IFT122: variants seen among roughly 807,000 people sequenced by gnomAD.
IFT122 encodes the protein intraflagellar transport 122, also known as intraflagellar transport protein 122 homolog.
In IFT122, 118 loss-of-function variants were observed where a neutral mutation model predicts 161.6. That is an observed-to-expected ratio of 0.73 (90% confidence interval 0.63 to 0.85). The LOEUF (loss-of-function observed/expected upper bound fraction) is 0.85. Ranked by LOEUF, IFT122 falls within the 40% of genes least tolerant of loss-of-function variation. The pLI is 0.00. For missense variants in IFT122, 1,381 were observed against 1,579.6 expected (o/e 0.87, Z 2.13); for synonymous variants, 550 against 602.4 (o/e 0.91, Z 1.27).
At chr3:129,460,231 C>T (rs1220656720) in intron 4 of IFT122, among the ~76,000 whole-genome samples, 1 of 152,184 alleles carries the variant, frequency 6.6e-6, no homozygotes, top group Non-Finnish European at 1.5e-5. Flanking sequence ...CTCCTACCCC[C>T]AGCCCCTGAA....
chr3:129,479,255 CAA>C (rs547629384), intron 12 of IFT122, among the ~76,000 whole-genome samples: 2,505 of 81,414 alleles, frequency 0.031, 83 homozygotes, highest in African/African-American at 0.096. Context: ...CCATCTCCAC[CAA>C]AAAAAAAAAA....
intron 3 of IFT122, among the ~76,000 whole-genome samples, chr3:129,452,734 A>G (rs939284991): frequency 1.3e-5 from 2 of 152,192 alleles, no homozygotes; most frequent in African/African-American, 4.8e-5. Flanking sequence ...TCAGCAGAGG[A>G]GGGATCTGAT....
chr3:129,500,544 A>G (rs752171223), intron 19 of IFT122, among the ~76,000 whole-genome samples: 4 of 152,260 alleles, frequency 2.6e-5, no homozygotes, highest in African/African-American at 9.6e-5. Flanking sequence ...AGGAACAAAA[A>G]CAAAACAAGT....
chr3:129,506,356 G>A, intron 21 of IFT122, 53 bp from the exon 22 acceptor site: 1 of 1,604,368 alleles, frequency 6.2e-7, no homozygotes, highest in Non-Finnish European at 8.5e-7. Context: ...CCTGCCTCCT[G>A]TGTGACTTCC....
At chr3:129,507,870 G>C in intron 23 of IFT122, 108 bp downstream of exon 23, 1 of 851,360 alleles carries the variant, frequency 1.2e-6, no homozygotes, top group Non-Finnish European at 2.0e-6. Flanking sequence ...ACTGGTCACA[G>C]TGAACTGCTG....
At chr3:129,458,771 T>C (rs2075825995) in intron 4 of IFT122, 94 bp downstream of exon 4, 2 of 937,278 alleles carry the variant, frequency 2.1e-6, no homozygotes, top group Admixed American at 1.8e-5. Flanking sequence ...AAAACTTTTT[T>C]CTCTTAAATT....
At chr3:129,506,241 C>T (rs774321752) in intron 21 of IFT122, among the ~76,000 whole-genome samples, 168 bp from the exon 22 acceptor site, 1 of 152,154 alleles carries the variant, frequency 6.6e-6, no homozygotes, top group Non-Finnish European at 1.5e-5. Context: ...CAGGATGTAG[C>T]CTTGGTTATT....
chr3:129,447,964 T>C (rs1250238258), intron 1 of IFT122, among the ~76,000 whole-genome samples: 2 of 150,626 alleles, frequency 1.3e-5, no homozygotes, highest in Admixed American at 6.7e-5. Flanking sequence ...ATTCAGACGG[T>C]TGGGGGGGCT....
At chr3:129,488,229 C>CTTTTTTT in intron 15 of IFT122, 28 bp from the exon 16 acceptor site, 2 of 1,613,818 alleles carry the variant, frequency 1.2e-6, no homozygotes, top group Non-Finnish European at 1.7e-6. Context: ...AAACAGTCTT[C>CTTTTTTT]TTTTTTTCCC....
chr3:129,470,114 T>C (rs1009227428), intron 9 of IFT122, among the ~76,000 whole-genome samples: 24 of 151,932 alleles, frequency 1.6e-4, no homozygotes, highest in Non-Finnish European at 2.9e-5. Context: ...AAAAATAGCA[T>C]GTATCAAGGC....
intron 16 of IFT122, among the ~76,000 whole-genome samples, chr3:129,490,986 G>T (rs970007316): frequency 6.6e-6 from 1 of 152,190 alleles, no homozygotes; most frequent in Non-Finnish European, 1.5e-5. Context: ...TTCGTAGTTG[G>T]AGAGCTCTTA....
At chr3:129,474,090 T>G (rs1052895587) in intron 9 of IFT122, among the ~76,000 whole-genome samples, 1 of 152,222 alleles carries the variant, frequency 6.6e-6, no homozygotes, top group Non-Finnish European at 1.5e-5. Context: ...TTGAAATTCC[T>G]ATACAGGAAA....
Position 129,463,615 on chromosome 3 carries a change from C to A in IFT122, c.405C>A (p.Ile135=), listed in dbSNP as rs1215700167. The A allele has an allele frequency of 6.2e-7, 1 of 1,612,658 alleles. No homozygotes were observed. The highest frequency in any genetic ancestry group is 8.5e-7 in the Non-Finnish European group (1 of 1,178,906). The change falls in exon 6 of 30, where the codon ATC becomes ATA. Residue 135 remains isoleucine, a synonymous_variant. Transcript: ENST00000348417. ...CCAAACACAAATCAAGCAGCAAGAT[C>A]ATCTGCTGCAGGTAAGTGCAGCTCT... ...SVSKHKSSSK[I]ICCSWTNDGQ...
chr3:129,503,055 G>A (rs530907002), intron 20 of IFT122, among the ~76,000 whole-genome samples, 173 bp downstream of exon 20: 7 of 152,330 alleles, frequency 4.6e-5, no homozygotes, highest in Admixed American at 2.0e-4. Context: ...CCACAGAATC[G>A]TGGAGGGCCT....
intron 16 of IFT122, among the ~76,000 whole-genome samples, chr3:129,490,329 GC>G (rs1171154540): frequency 1.3e-5 from 2 of 152,142 alleles, no homozygotes; most frequent in Non-Finnish European, 2.9e-5. Flanking sequence ...AGGCTCACCA[GC>G]TTGGATATAG....
rs2083503687 is a variant in IFT122 at position 129,516,137 on chromosome 3, TGCCCCTGCACACACACACAGAGACC to T, written c.3265+558_3265+582del. Among the ~76,000 whole-genome samples the T allele has an allele frequency of 1.4e-4, 10 of 71,540 alleles. 1 individual carries two copies. In the South Asian group the frequency reaches 1.8e-3, roughly 13 times the overall value. 46.9% of individuals were successfully genotyped at this position (71,540 alleles called of 152,430 possible). A position where few individuals can be genotyped will look rare whatever the true frequency, so the allele number is the denominator to read the frequency against. On this transcript the variant is annotated intron_variant, in intron 26 of 29. Coordinates refer to ENST00000348417, the MANE Select transcript of IFT122 (RefSeq NM_052989.3). The stretch of plus-strand genomic sequence containing the variant: ...AGACTGCCCCTGCACACACAGAGAC[TGCCCCTGCACACACACACAGAGACC>T]GCCCCTGCACACACACACACAGAAA...
rs1260528354 is a variant in IFT122, at chr3:129,476,751, G to A, written c.1097G>A (p.Arg366Lys). ...HGLYKDRYAY[R>K]DSMTDVIVQH... is the part of the protein sequence containing the mutation. ...CTTTACAAGGACCGCTATGCCTACA[G>A]GGATAGCATGACTGACGTCATTGTG... The change falls in exon 11 of 30, where the codon AGG (arginine) becomes AAG (lysine). Residue 366 changes from arginine (R) to lysine (K), a missense_variant. Physicochemically the swap from Arg to Lys is conservative, Grantham distance 26 (BLOSUM62 2). Transcript: ENST00000348417. The A allele has an allele frequency of 2.5e-6, 4 of 1,614,200 alleles. No individual in the cohort carries two copies. Among genetic ancestry groups the A allele is most frequent in the Middle Eastern group, 1.6e-4 (1 of 6,062 alleles).
chr3:129,507,796 C>G, intron 23 of IFT122, 34 bp downstream of exon 23: 2 of 1,518,850 alleles, frequency 1.3e-6, no homozygotes, highest in South Asian at 2.2e-5. Flanking sequence ...CCTGAGGGTA[C>G]CATCTCCTGA....
intron 20 of IFT122, among the ~76,000 whole-genome samples, 177 bp downstream of exon 20, chr3:129,503,059 AG>A (rs2081773061): frequency 6.6e-6 from 1 of 152,188 alleles, no homozygotes; most frequent in Non-Finnish European, 1.5e-5. Flanking sequence ...AGAATCGTGG[AG>A]GGCCTTTCCA....
Sources: gnomAD v4.1 joint callset for allele counts (sites outside exome capture counted in the v4.1 genomes callset) on GRCh38, gnomAD v4.1.1 for gene constraint, MANE v1.5 for transcripts, NCBI Gene and HGNC (gene_info 2026-07-23, HGNC 2026-07-21) for gene names.